DCTN4: variants seen among roughly 807,000 people sequenced by gnomAD.
The protein encoded by DCTN4 is dynactin 4 (p62).
Under a neutral mutation model 62.7 loss-of-function variants are expected in DCTN4, and 23 were observed. The observed-to-expected ratio is 0.37, with a 90% confidence interval of 0.26 to 0.52. The LOEUF (loss-of-function observed/expected upper bound fraction) is 0.52. Among genes scored for constraint, DCTN4 ranks in the 20% least tolerant of loss-of-function variants. The pLI is 0.92. For synonymous variants in DCTN4, 199 were observed against 202.1 expected, an observed-to-expected ratio of 0.98 and a Z score of 0.13; for missense variants, 514 against 580.4, an observed-to-expected ratio of 0.89 and a Z score of 1.18.
chr5:150,758,641 C>T (rs1162369460), intron 1 of DCTN4: 11 of 1,237,000 alleles, frequency 8.9e-6, no homozygotes, highest in Non-Finnish European at 1.2e-5. Flanking sequence ...AATCAGAGGC[C>T]GCTCTAGAAC....
At position 150,734,930 on chromosome 5, in the gene DCTN4, A is replaced by G. The variant is rs143074026; in HGVS notation, c.430-1455T>C. On this transcript the variant is annotated intron_variant, in intron 4 of 12. Coordinates refer to ENST00000447998, the MANE Select transcript of DCTN4 (RefSeq NM_016221.4). Reference sequence around the variant, plus strand: ...AGGCAGCCATAATCCCCCTGGGAACATAACTCCATTGGCCTGAGAACCACA... The same window carrying G: ...AGGCAGCCATAATCCCCCTGGGAACGTAACTCCATTGGCCTGAGAACCACA... Among the ~76,000 whole-genome samples, 614 of 152,268 alleles carry G rather than the reference A, an allele frequency of 4.0e-3. 5 individuals carry two copies. Among genetic ancestry groups the G allele is most frequent in the African/African-American group, 0.014 (583 of 41,554 alleles).
chr5:150,716,188 G>C (rs1388023897), intron 11 of DCTN4, among the ~76,000 whole-genome samples: 1 of 152,210 alleles, frequency 6.6e-6, no homozygotes, highest in Non-Finnish European at 1.5e-5. Flanking sequence ...ACAGGCGTGA[G>C]CCACCGCGCC....
Position 150,713,450 on chromosome 5 carries a change from T to C in DCTN4, c.1170-2088A>G, listed in dbSNP as rs542176084. ...CTTTATTTTTCTTTTCTTTTCTTTTTTTTTTTTTTTTGAGACGGAGTCTGG... is the reference window on the plus strand; with the variant it reads ...CTTTATTTTTCTTTTCTTTTCTTTTCTTTTTTTTTTTGAGACGGAGTCTGG... On this transcript the variant is annotated intron_variant, in intron 12 of 12. Transcript: ENST00000447998. Among the ~76,000 whole-genome samples, 1,431 of 149,726 alleles carry C rather than the reference T, an allele frequency of 9.6e-3. 26 individuals carry two copies. The highest frequency in any genetic ancestry group is 0.033 in the African/African-American group (1,342 of 40,252).
At chr5:150,724,428 T>C (rs1225206826) in intron 8 of DCTN4, among the ~76,000 whole-genome samples, 3 of 152,220 alleles carry the variant, frequency 2.0e-5, no homozygotes, top group South Asian at 2.1e-4. Flanking sequence ...GGGTTTTCTT[T>C]GGCATGAGGG....
chr5:150,758,924 G>A lies in DCTN4; in HGVS notation c.70C>T (p.Leu24Phe). 6.2e-7 allele frequency: 1 copy of A among 1,614,156 alleles called. No homozygotes were observed. The highest frequency in any genetic ancestry group is 8.5e-7 in the Non-Finnish European group (1 of 1,180,026). The change falls in exon 1 of 13, where the codon CTC (leucine) becomes TTC (phenylalanine). Residue 24 changes from leucine (L) to phenylalanine (F), a missense_variant. Physicochemically the swap from Leu to Phe is conservative, Grantham distance 22. Transcript: ENST00000447998. Reference protein sequence around the residue: ...VQGEKKVRAPLSQLYFCRYCS... With the variant: ...VQGEKKVRAPFSQLYFCRYCS... ...TAGCGGCAGAAGTAGAGTTGCGAGA[G>A]CGGGGCCCGAACCTTCTTTTCTCCC...
chr5:150,720,000 C>G (rs900028283), intron 9 of DCTN4, among the ~76,000 whole-genome samples: 12 of 151,984 alleles, frequency 7.9e-5, no homozygotes, highest in African/African-American at 2.7e-4. Context: ...TGAAACTGCC[C>G]AGGCCCCAGA....
intron 3 of DCTN4, among the ~76,000 whole-genome samples, chr5:150,753,094 T>C (rs1752735445): frequency 6.6e-6 from 1 of 152,220 alleles, no homozygotes. Flanking sequence ...CTCGATCTCC[T>C]GACCTTGTGA....
At chr5:150,735,226 T>C (rs554022920) in intron 4 of DCTN4, among the ~76,000 whole-genome samples, 69 of 143,268 alleles carry the variant, frequency 4.8e-4, no homozygotes, top group Middle Eastern at 3.5e-3. Flanking sequence ...CAACTCATTA[T>C]AGCAACTCAT....
chr5:150,757,652 G>C (rs1166526863), intron 1 of DCTN4, among the ~76,000 whole-genome samples: 1 of 152,144 alleles, frequency 6.6e-6, no homozygotes, highest in East Asian at 1.9e-4. Context: ...AGTGCTAATG[G>C]AGATGAGAAG....
At chr5:150,752,764 C>G (rs1752722402) in intron 3 of DCTN4, among the ~76,000 whole-genome samples, 1 of 152,070 alleles carries the variant, frequency 6.6e-6, no homozygotes, top group South Asian at 2.1e-4. Context: ...TCTACTAAGT[C>G]TTTTTCTTAT....
intron 1 of DCTN4, 100 bp from the exon 2 acceptor site, chr5:150,756,587 T>A: frequency 1.7e-6 from 1 of 594,938 alleles, no homozygotes; most frequent in Non-Finnish European, 2.8e-6. Flanking sequence ...TGTTATACTG[T>A]AGCAGAAAGT....
At chr5:150,733,590 C>A (rs986871760) in intron 4 of DCTN4, 115 bp from the exon 5 acceptor site, 1 of 621,874 alleles carries the variant, frequency 1.6e-6, no homozygotes, top group Non-Finnish European at 2.6e-6. Flanking sequence ...TTAAGATGGG[C>A]AAGTTTGCCC....
chr5:150,710,961 G>C lies in DCTN4; in HGVS notation c.*188C>G, dbSNP rs1451145689. ...GACTTACTGGTGTCAACAGGGGTGA[G>C]AGCAAGAGCAACAGCAGCTACCCTG... On this transcript the variant is annotated 3_prime_UTR_variant, in exon 13 of 13. Coordinates refer to ENST00000447998, the MANE Select transcript of DCTN4 (RefSeq NM_016221.4). 13 of 609,536 alleles carry C rather than the reference G, an allele frequency of 2.1e-5. No homozygotes were observed. The highest frequency in any genetic ancestry group is 5.9e-5 in the South Asian group (3 of 50,604). The allele number at this position is 609,536 out of a possible 1,614,324, so 37.8% of individuals were successfully genotyped here.
chr5:150,753,087 G>C (rs572989822), intron 3 of DCTN4, among the ~76,000 whole-genome samples: 2 of 152,152 alleles, frequency 1.3e-5, no homozygotes, highest in East Asian at 3.9e-4. Flanking sequence ...GGATGGTCTC[G>C]ATCTCCTGAC....
At chr5:150,744,702 T>C (rs1414887944) in intron 3 of DCTN4, among the ~76,000 whole-genome samples, 1 of 150,518 alleles carries the variant, frequency 6.6e-6, no homozygotes. Context: ...GCTTCATAAG[T>C]GAAGGAGAAA....
chr5:150,731,393 A>C (rs1361018505), intron 6 of DCTN4, 23 bp downstream of exon 6: 1 of 1,603,282 alleles, frequency 6.2e-7, no homozygotes, highest in Non-Finnish European at 8.5e-7. Context: ...TTCTCCTCAA[A>C]GTCATTTCAT....
chr5:150,748,538 A>G (rs1338686728), intron 3 of DCTN4, among the ~76,000 whole-genome samples: 1 of 150,030 alleles, frequency 6.7e-6, no homozygotes, highest in Non-Finnish European at 1.5e-5. Flanking sequence ...GAACCAACCC[A>G]AATGTCCAAC....
intron 1 of DCTN4, among the ~76,000 whole-genome samples, chr5:150,756,809 C>T (rs1752881486): frequency 6.6e-6 from 1 of 151,994 alleles, no homozygotes; most frequent in African/African-American, 2.4e-5. Flanking sequence ...TAAAATAATC[C>T]AATTTGTAAC....
chr5:150,740,811 A>T (rs10076660), intron 4 of DCTN4, among the ~76,000 whole-genome samples: 22,909 of 152,166 alleles, frequency 0.15, 3,122 homozygotes, highest in African/African-American at 0.36. Flanking sequence ...GGAAAACCAA[A>T]CATCATACAT....
Sources: gnomAD v4.1 joint callset for allele counts (sites outside exome capture counted in the v4.1 genomes callset) on GRCh38, gnomAD v4.1.1 for gene constraint, MANE v1.5 for transcripts, NCBI Gene and HGNC (gene_info 2026-07-23, HGNC 2026-07-21) for gene names.